TXLNB: variants seen among roughly 807,000 people sequenced by gnomAD.
TXLNB encodes taxilin beta, also known as beta-taxilin.
A neutral mutation model predicts 57.4 loss-of-function variants in TXLNB; 37 were observed. The observed-to-expected ratio is 0.64, with a 90% CI of 0.50 to 0.85. TXLNB has a LOEUF of 0.85. TXLNB is among the 40% of genes least tolerant of loss of function. The pLI, the probability that TXLNB is intolerant of heterozygous loss-of-function variation, is 0.00. For synonymous variants in TXLNB, 302 were observed against 309.6 expected (o/e 0.98, Z 0.26); for missense variants, 848 against 825.6 (o/e 1.03, Z -0.33).
chr6:139,309,813 T>C, the TXLNB span, among the ~76,000 whole-genome samples: 1 of 151,902 alleles, frequency 6.6e-6, no homozygotes, highest in African/African-American at 2.4e-5. Context: ...TGGAAACCCA[T>C]AAATAAAATC....
the TXLNB span, among the ~76,000 whole-genome samples, chr6:139,298,586 C>T: frequency 6.6e-6 from 1 of 152,152 alleles, no homozygotes; most frequent in African/African-American, 2.4e-5. Flanking sequence ...TGCAGAGTGT[C>T]CCCTGAGGGT....
Position 139,242,453 on chromosome 6 carries a change from C to CT in TXLNB, c.*72dup. The CT allele has an allele frequency of 7.4e-7, 1 of 1,353,450 alleles. No homozygotes were observed. Among genetic ancestry groups the CT allele is most frequent in the Non-Finnish European group, 9.7e-7 (1 of 1,030,192 alleles). The allele number at this position is 1,353,450 out of a possible 1,614,324, so 83.8% of individuals were successfully genotyped here. On this transcript the variant is annotated 3_prime_UTR_variant, in exon 10 of 10. Coordinates refer to ENST00000358430, the MANE Select transcript of TXLNB (RefSeq NM_153235.4). ...ATTTGACATCTCTAGCCCTTAATGC[C>CT]TTTTTCGGAAGACAAGCTGTTATGC...
chr6:139,159,778 A>G, the TXLNB span, among the ~76,000 whole-genome samples: 1 of 152,200 alleles, frequency 6.6e-6, no homozygotes, highest in Non-Finnish European at 1.5e-5. Context: ...AGTCATCCCT[A>G]TTTTAGATTT....
At chr6:139,166,486 A>G in the TXLNB span, 23 of 1,614,080 alleles carry the variant, frequency 1.4e-5, no homozygotes, top group Admixed American at 1.2e-4. Flanking sequence ...ACGAGAAGCA[A>G]TGCCGCCAGA....
At chr6:139,174,935 T>G in the TXLNB span, among the ~76,000 whole-genome samples, 1 of 152,196 alleles carries the variant, frequency 6.6e-6, no homozygotes, top group Non-Finnish European at 1.5e-5. Flanking sequence ...ATGATTAGCT[T>G]ATAGTAAATT....
chr6:139,168,431 T>G, the TXLNB span, among the ~76,000 whole-genome samples: 1 of 151,756 alleles, frequency 6.6e-6, no homozygotes, highest in Non-Finnish European at 1.5e-5. Context: ...CATAGTTTTT[T>G]TTTTTTTTTT....
chr6:139,228,761 C>A, the TXLNB span, among the ~76,000 whole-genome samples: 1 of 152,086 alleles, frequency 6.6e-6, no homozygotes, highest in African/African-American at 2.4e-5. Flanking sequence ...CACACTGGAT[C>A]GGAGTGGCTT....
At chr6:139,219,585 G>C in the TXLNB span, among the ~76,000 whole-genome samples, 1 of 152,198 alleles carries the variant, frequency 6.6e-6, no homozygotes, top group Non-Finnish European at 1.5e-5. Context: ...GTGACCATGA[G>C]ACTGGAGACG....
rs373314109 is a variant in TXLNB at position 139,265,348 on chromosome 6, G to A, written c.688-2575C>T. 3.9e-5 allele frequency among the ~76,000 whole-genome samples: 6 copies of A among 152,134 alleles called. No individual in the cohort carries two copies. In the East Asian group the frequency reaches 1.2e-3, roughly 29 times the overall value. ...CTCAGATTTATCACTTTGAATATAT[G>A]TATGATTTTGTTGAAACAAACCCAT... On this transcript the variant is annotated intron_variant, in intron 4 of 9. Coordinates refer to ENST00000358430, the MANE Select transcript of TXLNB (RefSeq NM_153235.4).
At chr6:139,297,267 A>G in the TXLNB span, among the ~76,000 whole-genome samples, 6 of 152,138 alleles carry the variant, frequency 3.9e-5, no homozygotes. Context: ...AAGAAGTCAG[A>G]ATTCTCTTCT....
At chr6:139,301,409 G>A in the TXLNB span, among the ~76,000 whole-genome samples, 4 of 152,242 alleles carry the variant, frequency 2.6e-5, no homozygotes, top group Admixed American at 2.0e-4. Context: ...TGCTACTGGT[G>A]ACATGAGTGT....
At position 139,288,777 on chromosome 6, in the gene TXLNB, TG is replaced by T; in HGVS notation, c.122del (p.Pro41GlnfsTer19). The T allele has an allele frequency of 6.2e-7, 1 of 1,614,196 alleles. No homozygotes were observed. The highest frequency in any genetic ancestry group is 8.5e-7 in the Non-Finnish European group (1 of 1,180,030). On this transcript the variant is annotated frameshift_variant, in exon 2 of 10. Coordinates refer to ENST00000358430, the MANE Select transcript of TXLNB (RefSeq NM_153235.4). LOFTEE classifies it high-confidence loss of function. Reference protein sequence around the residue: ...EKEDGQDSPTPVQPPEKEASV... With the variant: ...EKEDGQDSPTXVQPPEKEASV... ...TTGCCTCTTTCTCTGGTGGTTGGAC[TG>T]GGGTTGGAGAATCCTGGCCATCTTC...
chr6:139,249,559 A>G (rs948315931), intron 7 of TXLNB, among the ~76,000 whole-genome samples: 1 of 152,206 alleles, frequency 6.6e-6, no homozygotes, highest in Non-Finnish European at 1.5e-5. Flanking sequence ...TGTCTTTTTT[A>G]AAGTACAGAA....
At chr6:139,255,958 C>T (rs367722255) in intron 6 of TXLNB, among the ~76,000 whole-genome samples, 2 of 151,540 alleles carry the variant, frequency 1.3e-5, no homozygotes, top group South Asian at 2.1e-4. Flanking sequence ...GGTGCATGCC[C>T]GCAGTCCCAG....
chr6:139,183,332 C>G, the TXLNB span: 2 of 152,210 alleles, frequency 1.3e-5, no homozygotes, highest in Non-Finnish European at 2.9e-5. Context: ...GTTTTCCCTT[C>G]TGTTTTCTGT....
chr6:139,162,872 G>T, the TXLNB span, among the ~76,000 whole-genome samples: 1 of 152,192 alleles, frequency 6.6e-6, no homozygotes, highest in African/African-American at 2.4e-5. Context: ...GTTTTGGCCT[G>T]TATTCCCTGA....
At chr6:139,197,923 ATATGGCATTAAT>A in the TXLNB span, 4 of 152,308 alleles carry the variant, frequency 2.6e-5, no homozygotes, top group South Asian at 8.3e-4. Flanking sequence ...CTCTCCTTTT[ATATGGCATTAAT>A]CCCACCCATG....
chr6:139,189,988 G>A, the TXLNB span, among the ~76,000 whole-genome samples: 6 of 152,292 alleles, frequency 3.9e-5, no homozygotes, highest in South Asian at 4.1e-4. Context: ...AAATGTGCTG[G>A]CAGCTGTGGG....
chr6:139,266,744 C>A, intron 4 of TXLNB, among the ~76,000 whole-genome samples: 1 of 151,550 alleles, frequency 6.6e-6, no homozygotes, highest in African/African-American at 2.4e-5. Flanking sequence ...ATTACAGATA[C>A]AAAAAAGCTT....
Sources: gnomAD v4.1 joint callset for allele counts (sites outside exome capture counted in the v4.1 genomes callset) on GRCh38, gnomAD v4.1.1 for gene constraint, MANE v1.5 for transcripts, NCBI Gene and HGNC (gene_info 2026-07-23, HGNC 2026-07-21) for gene names.